Variants in STX7 observed in about 807,000 individuals in gnomAD.
STX7 encodes syntaxin-7.
STX7 carries 34 observed loss-of-function variants against 39.6 expected under a neutral mutation model. The ratio of observed to expected loss-of-function variants is 0.86; its 90% CI spans 0.65 to 1.14. STX7 has a LOEUF of 1.14. Among genes scored for constraint, STX7 ranks in the 50% most tolerant of loss-of-function variants. STX7 has a pLI of 0.00. For synonymous variants in STX7, 119 were observed against 99.1 expected (o/e 1.20, Z -1.19); for missense variants, 284 against 310.4 (o/e 0.92, Z 0.64).
chr6:132,496,307 T>A (rs921827281), intron 2 of STX7, among the ~76,000 whole-genome samples: 2 of 152,198 alleles, frequency 1.3e-5, no homozygotes, highest in Non-Finnish European at 2.9e-5. Context: ...TTAGCACTAG[T>A]GGAAAGGCTT....
At chr6:132,473,398 G>A (rs1307648396) in intron 3 of STX7, among the ~76,000 whole-genome samples, 1 of 151,682 alleles carries the variant, frequency 6.6e-6, no homozygotes, top group Non-Finnish European at 1.5e-5. Context: ...TATAACCTAT[G>A]CATATCCTCC....
At chr6:132,500,423 A>G (rs73772509) in intron 2 of STX7, among the ~76,000 whole-genome samples, 3,372 of 152,180 alleles carry the variant, frequency 0.022, 109 homozygotes, top group African/African-American at 0.075. Flanking sequence ...CTGCTTTTGA[A>G]TTTTTAATGC....
chr6:132,468,281 CT>C, intron 8 of STX7, 121 bp downstream of exon 8: 1 of 730,582 alleles, frequency 1.4e-6, no homozygotes, highest in South Asian at 1.6e-5. Flanking sequence ...ATAGACCATG[CT>C]TTTGGTTCCA....
At chr6:132,462,582 G>GGTGTGTGTGTGTGTGTGTGTGTGTGT in intron 9 of STX7, among the ~76,000 whole-genome samples, 1 of 144,894 alleles carries the variant, frequency 6.9e-6, no homozygotes, top group Non-Finnish European at 1.5e-5. Flanking sequence ...CATTTGCAGG[G>GGTGTGTGTGTGTGTGTGTGTGTGTGT]GTGTGTGTGT....
Position 132,460,770 on chromosome 6 carries a change from T to C in STX7, c.774A>G (p.Gly258=), listed in dbSNP as rs150661329. ...GVAIISLIIW[G]LNH Reference sequence around the variant, plus strand: ...CTCCTTTATAACTTCAGTGGTTCAATCCCCATATGATGAGACTGATAATCG... The same window carrying C: ...CTCCTTTATAACTTCAGTGGTTCAACCCCCATATGATGAGACTGATAATCG... The change falls in exon 10 of 10, where the codon GGA becomes GGG. Residue 258 remains glycine (G), a synonymous_variant. Transcript: ENST00000367941. The C allele has an allele frequency of 2.5e-6, 4 of 1,612,658 alleles. No individual in the cohort carries two copies.
chr6:132,463,911 T>C, intron 9 of STX7, 82 bp downstream of exon 9: 1 of 1,327,340 alleles, frequency 7.5e-7, no homozygotes, highest in Non-Finnish European at 1.1e-6. Context: ...AAACCTAATC[T>C]CTCCCTGCTT....
intron 1 of STX7, among the ~76,000 whole-genome samples, chr6:132,509,980 G>C (rs1775807123): frequency 6.6e-6 from 1 of 152,092 alleles, no homozygotes; most frequent in Non-Finnish European, 1.5e-5. Flanking sequence ...TAATTGCTCA[G>C]AATAATAATT....
In STX7 at chr6:132,473,954, A is replaced by ATGCCTGTAATCACAGG. The variant is rs1452914734; in HGVS notation, c.156-1580_156-1579insCCTGTGATTACAGGCA. ...TTTTAAAAAGAAGACCTTAGGCTGG[A>ATGCCTGTAATCACAGG]CATGGTGGCTCATGCCTGTAATCAC... On this transcript the variant is annotated intron_variant, in intron 3 of 9. Transcript: ENST00000367941. Among the ~76,000 whole-genome samples the ATGCCTGTAATCACAGG allele has an allele frequency of 2.8e-3, 429 of 152,196 alleles. 2 individuals carry two copies. The highest frequency in any genetic ancestry group is 8.4e-3 in the African/African-American group (347 of 41,548).
chr6:132,452,434 G>A lies in STX7; in HGVS notation c.*8324C>T, dbSNP rs879941316. The A allele has an allele frequency of 6.6e-5, 10 of 151,548 alleles. No individual in the cohort carries two copies. The highest frequency in any genetic ancestry group is 2.2e-4 in the African/African-American group (9 of 41,252). 9.4% of individuals were successfully genotyped at this position (151,548 alleles called of 1,614,324 possible). The stretch of plus-strand genomic sequence containing the variant: ...AAGGAATATAGGTCAGAAATGAAGA[G>A]ATAAAACTATTCATTATTTGCAGAT... On this transcript the variant is annotated 3_prime_UTR_variant, in exon 10 of 10. Coordinates refer to ENST00000367941, the MANE Select transcript of STX7 (RefSeq NM_003569.3).
intron 1 of STX7, among the ~76,000 whole-genome samples, chr6:132,504,818 A>G (rs1396908089): frequency 6.6e-6 from 1 of 152,262 alleles, no homozygotes; most frequent in Non-Finnish European, 1.5e-5. Context: ...CCTTGTCTGG[A>G]AAGAATTTAT....
At chr6:132,503,634 C>G (rs1002470875) in intron 1 of STX7, 46 bp from the exon 2 acceptor site, 1 of 804,118 alleles carries the variant, frequency 1.2e-6, no homozygotes. Context: ...AAGTTACTGG[C>G]TTACATTTTC....
chr6:132,496,750 G>A (rs2114456388), intron 2 of STX7, among the ~76,000 whole-genome samples: 2 of 152,232 alleles, frequency 1.3e-5, no homozygotes, highest in African/African-American at 2.4e-5. Flanking sequence ...GCTTACTCAA[G>A]GTCACACCGC....
intron 2 of STX7, among the ~76,000 whole-genome samples, chr6:132,477,327 A>G (rs556894847): frequency 3.3e-5 from 5 of 152,214 alleles, no homozygotes; most frequent in Admixed American, 1.3e-4. Flanking sequence ...AAGCGTATTG[A>G]TAATACAAAC....
chr6:132,462,690 G>A (rs1260668987), intron 9 of STX7, among the ~76,000 whole-genome samples: 2 of 151,804 alleles, frequency 1.3e-5, no homozygotes, highest in African/African-American at 2.4e-5. Flanking sequence ...ATTTCACTGA[G>A]CTGCATATCT....
At chr6:132,466,606 T>A (rs1232409207) in intron 8 of STX7, among the ~76,000 whole-genome samples, 2 of 152,144 alleles carry the variant, frequency 1.3e-5, no homozygotes, top group Non-Finnish European at 2.9e-5. Context: ...CCAGACTTAA[T>A]CCCTGGATTA....
In STX7 at chr6:132,451,115, T is replaced by C. The variant is rs77513051; in HGVS notation, c.*9643A>G. 1 of 151,538 alleles carries C rather than the reference T, an allele frequency of 6.6e-6. No individual in the cohort carries two copies. Among genetic ancestry groups the C allele is most frequent in the African/African-American group, 2.4e-5 (1 of 41,268 alleles). 9.4% of individuals were successfully genotyped at this position (151,538 alleles called of 1,614,324 possible). On this transcript the variant is annotated 3_prime_UTR_variant, in exon 10 of 10. Transcript: ENST00000367941. ...AATTTTCTTTCCTTTTTTTTTTTTT[T>C]GACAAGGAGTCTCGTTCTGTTGCTC...
chr6:132,483,373 T>C (rs545393983), intron 2 of STX7, among the ~76,000 whole-genome samples: 34 of 152,356 alleles, frequency 2.2e-4, no homozygotes, highest in Non-Finnish European at 4.0e-4. Flanking sequence ...CATGGTTAGT[T>C]GAATCCATGC....
At chr6:132,489,357 A>T (rs1209861120) in intron 2 of STX7, among the ~76,000 whole-genome samples, 2 of 152,190 alleles carry the variant, frequency 1.3e-5, no homozygotes. Flanking sequence ...CAATGTGTAG[A>T]GAAAAATGTA....
At chr6:132,511,123 G>A (rs1775836426) in intron 1 of STX7, among the ~76,000 whole-genome samples, 1 of 152,118 alleles carries the variant, frequency 6.6e-6, no homozygotes, top group Non-Finnish European at 1.5e-5. Flanking sequence ...CTCACTGCCT[G>A]GCTACATCAC....
Sources: allele counts gnomAD v4.1 joint callset (sites outside exome capture counted in the v4.1 genomes callset), GRCh38; gene constraint gnomAD v4.1.1; transcripts MANE v1.5; gene names NCBI Gene and HGNC (gene_info 2026-07-23, HGNC 2026-07-21).